PRKN: variants seen among roughly 807,000 people sequenced by gnomAD.
The protein encoded by PRKN is parkin RBR E3 ubiquitin protein ligase.
Under a neutral mutation model 59.5 loss-of-function variants are expected in PRKN, and 56 were observed. The observed-to-expected ratio is 0.94, with a 90% CI of 0.76 to 1.18. The LOEUF is 1.18. Ranked by LOEUF, PRKN falls within the 50% of genes most tolerant of loss-of-function variation. PRKN has a pLI of 0.00. For missense variants in PRKN, 657 were observed against 596.4 expected, an observed-to-expected ratio of 1.10 and a Z score of -1.06; for synonymous variants, 250 against 222.1, an observed-to-expected ratio of 1.13 and a Z score of -1.12.
At chr6:161,656,954 G>T (rs1025664928) in intron 7 of PRKN, among the ~76,000 whole-genome samples, 3 of 152,176 alleles carry the variant, frequency 2.0e-5, no homozygotes, top group African/African-American at 7.2e-5. Flanking sequence ...TAAGTTGTGT[G>T]TTTCTGACCC....
At chr6:162,038,139 T>C (rs1437406539) in intron 5 of PRKN, among the ~76,000 whole-genome samples, 1 of 152,036 alleles carries the variant, frequency 6.6e-6, no homozygotes. Context: ...ATTATCTATG[T>C]CATAATAATC....
intron 1 of PRKN, chr6:162,569,171 G>T: frequency 1.7e-6 from 1 of 592,018 alleles, no homozygotes; most frequent in South Asian, 1.6e-5. Flanking sequence ...TCAAGTATAA[G>T]GAGCTGCAGA....
chr6:161,713,962 T>A (rs2315551), intron 7 of PRKN, among the ~76,000 whole-genome samples: 4 of 151,896 alleles, frequency 2.6e-5, no homozygotes, highest in African/African-American at 4.8e-5. Flanking sequence ...GAAAGATATG[T>A]CTTTGCTCCT....
rs202186289 is a variant in PRKN at position 161,890,094 on chromosome 6, C to T, written c.734+83208G>A. Among the ~76,000 whole-genome samples the T allele has an allele frequency of 3.9e-5, 6 of 152,086 alleles. No individual in the cohort carries two copies. In the East Asian group the frequency reaches 1.2e-3, roughly 29 times the overall value. ...CAGCTCCCAACTTCTATTATTCTGC[C>T]GTCTCCCTTGTGTGACTAAAGCAAT... On this transcript the variant is annotated intron_variant, in intron 6 of 11. Transcript: ENST00000366898.
intron 1 of PRKN, among the ~76,000 whole-genome samples, chr6:162,546,698 C>T (rs1779132554): frequency 6.6e-6 from 1 of 152,100 alleles, no homozygotes; most frequent in Non-Finnish European, 1.5e-5. Context: ...CCCTCCTCGG[C>T]CTCCCAAAAT....
chr6:162,200,085 T>C (rs866986983), intron 4 of PRKN, among the ~76,000 whole-genome samples: 1 of 152,162 alleles, frequency 6.6e-6, no homozygotes, highest in African/African-American at 2.4e-5. Context: ...GCTTGCAGAA[T>C]AGAATCTGAA....
intron 7 of PRKN, among the ~76,000 whole-genome samples, chr6:161,728,125 G>A (rs1402833352): frequency 1.3e-5 from 2 of 152,030 alleles, no homozygotes; most frequent in South Asian, 2.1e-4. Context: ...CTTTGCATGG[G>A]CTAAAAGATG....
chr6:162,246,359 A>G (rs1404402761), intron 3 of PRKN, among the ~76,000 whole-genome samples: 3 of 152,144 alleles, frequency 2.0e-5, no homozygotes, highest in African/African-American at 4.8e-5. Flanking sequence ...ACATGCCTAG[A>G]AAGAAAGCAA....
chr6:162,195,249 A>G (rs1562572479), intron 4 of PRKN, among the ~76,000 whole-genome samples: 1 of 152,226 alleles, frequency 6.6e-6, no homozygotes, highest in Non-Finnish European at 1.5e-5. Flanking sequence ...GTGCTTTCAA[A>G]GCACTGAAAC....
At chr6:162,382,819 T>C (rs1162408800) in intron 2 of PRKN, among the ~76,000 whole-genome samples, 1 of 152,212 alleles carries the variant, frequency 6.6e-6, no homozygotes, top group Non-Finnish European at 1.5e-5. Context: ...TCAAACCCTC[T>C]CAAAGCCACT....
Position 161,569,535 on chromosome 6 carries a change from T to G in PRKN, c.872-119A>C, listed in dbSNP as rs1780791273. On this transcript the variant is annotated intron_variant, in intron 7 of 11. Transcript: ENST00000366898. ...TGCCTTTTGGGAGGACACAGACGTG[T>G]ACCTGAAAAACACACATCTAACCAA... The G allele has an allele frequency of 3.5e-6, 3 of 862,230 alleles. No homozygotes were observed. In the African/African-American group the frequency reaches 5.0e-5, roughly 14 times the overall value. 53.4% of individuals were successfully genotyped at this position (862,230 alleles called of 1,614,324 possible).
intron 7 of PRKN, among the ~76,000 whole-genome samples, chr6:161,657,245 G>T (rs59167554): frequency 6.6e-6 from 1 of 152,128 alleles, no homozygotes; most frequent in Non-Finnish European, 1.5e-5. Context: ...GTGACCTCAC[G>T]GCTCTGGATC....
At chr6:162,721,502 C>G (rs1419532230) in intron 1 of PRKN, among the ~76,000 whole-genome samples, 2 of 152,076 alleles carry the variant, frequency 1.3e-5, no homozygotes, top group Non-Finnish European at 2.9e-5. Flanking sequence ...TCACCAGATA[C>G]CTTTCATTCT....
intron 7 of PRKN, among the ~76,000 whole-genome samples, chr6:161,753,586 G>A (rs1406312181): frequency 6.6e-6 from 1 of 152,208 alleles, no homozygotes; most frequent in Non-Finnish European, 1.5e-5. Flanking sequence ...GCTGAGCATG[G>A]GAGAGGAGAG....
intron 7 of PRKN, among the ~76,000 whole-genome samples, chr6:161,649,861 A>G (rs753763039): frequency 6.6e-6 from 1 of 152,238 alleles, no homozygotes; most frequent in Non-Finnish European, 1.5e-5. Context: ...AACAGGGTAC[A>G]GTGACACTAT....
intron 1 of PRKN, among the ~76,000 whole-genome samples, chr6:162,504,424 T>C (rs12526400): frequency 0.29 from 44,608 of 151,996 alleles, 7,355 homozygotes; most frequent in Middle Eastern, 0.39. Flanking sequence ...ACACAAAAAA[T>C]GTTATAATAA....
intron 8 of PRKN, among the ~76,000 whole-genome samples, chr6:161,564,767 A>C (rs1040134670): frequency 1.3e-4 from 20 of 151,958 alleles, no homozygotes; most frequent in African/African-American, 4.8e-4. Context: ...TTCAGTTTGC[A>C]ATTCTGGAAG....
intron 2 of PRKN, among the ~76,000 whole-genome samples, chr6:162,292,674 G>A (rs959481514): frequency 6.6e-6 from 1 of 152,202 alleles, no homozygotes; most frequent in Non-Finnish European, 1.5e-5. Flanking sequence ...CACAGGATGT[G>A]TGATGGGGTC....
chr6:162,157,092 GGTTA>G (rs1216316689), intron 4 of PRKN, among the ~76,000 whole-genome samples: 1 of 151,626 alleles, frequency 6.6e-6, no homozygotes, highest in Non-Finnish European at 1.5e-5. Flanking sequence ...ATTTTAATCT[GGTTA>G]ATTAAAAAAA....
Sources: allele counts gnomAD v4.1 joint callset (sites outside exome capture counted in the v4.1 genomes callset), GRCh38; gene constraint gnomAD v4.1.1; transcripts MANE v1.5; gene names NCBI Gene and HGNC (gene_info 2026-07-23, HGNC 2026-07-21).